TMEM132D: variants seen among roughly 807,000 people sequenced by gnomAD.
TMEM132D encodes the protein transmembrane protein 132D.
Under a neutral mutation model 62.3 loss-of-function variants are expected in TMEM132D, and 21 were observed. The ratio of observed to expected loss-of-function variants is 0.34; its 90% confidence interval spans 0.24 to 0.49. The LOEUF is 0.49. TMEM132D is among the 20% of genes least tolerant of loss of function. TMEM132D has a pLI of 0.99. For synonymous variants in TMEM132D, 621 were observed against 575.6 expected, an observed-to-expected ratio of 1.08 and a Z score of -1.13; for missense variants, 1,346 against 1,402.8, an observed-to-expected ratio of 0.96 and a Z score of 0.65.
chr12:129,420,013 T>C (rs1466972502), intron 3 of TMEM132D, among the ~76,000 whole-genome samples: 3 of 152,134 alleles, frequency 2.0e-5, no homozygotes, highest in Non-Finnish European at 4.4e-5. Context: ...ATTGTAAATA[T>C]ACATTTAAGG....
In TMEM132D at chr12:129,282,282, T is replaced by G. The variant is rs560165874; in HGVS notation, c.1299+55352A>C. ...TTGGGAATATGAGACCAGAGGGAGCTTATCCCTCCCCCTAGTTCCAACCCA... is the reference window on the plus strand; with the variant it reads ...TTGGGAATATGAGACCAGAGGGAGCGTATCCCTCCCCCTAGTTCCAACCCA... On this transcript the variant is annotated intron_variant, in intron 4 of 8. Coordinates refer to ENST00000422113, the MANE Select transcript of TMEM132D (RefSeq NM_133448.3). Among the ~76,000 whole-genome samples, 999 of 152,236 alleles carry G rather than the reference T, an allele frequency of 6.6e-3. 27 individuals are homozygous for G. The highest frequency in any genetic ancestry group is 0.053 in the Admixed American group (818 of 15,294).
At chr12:129,554,723 G>A (rs1458852707) in intron 2 of TMEM132D, among the ~76,000 whole-genome samples, 1 of 152,152 alleles carries the variant, frequency 6.6e-6, no homozygotes, top group Non-Finnish European at 1.5e-5. Flanking sequence ...TAAACCTGGA[G>A]ACCTGCTTTC....
chr12:129,273,916 G>GA lies in TMEM132D; in HGVS notation c.1299+63717dup, dbSNP rs557555848. ...ACCCGCTGAACTTAAAACAAAAGTTGAAAAAAAAAAAGAGTGTTTGCATCT... is the reference window on the plus strand; with the variant it reads ...ACCCGCTGAACTTAAAACAAAAGTTGAAAAAAAAAAAAGAGTGTTTGCATCT... On this transcript the variant is annotated intron_variant, in intron 4 of 8. Transcript: ENST00000422113. 7.0e-3 allele frequency among the ~76,000 whole-genome samples: 993 copies of GA among 141,676 alleles called. 29 individuals carry two copies. The highest frequency in any genetic ancestry group is 0.024 in the African/African-American group (926 of 38,266). 92.9% of individuals were successfully genotyped at this position (141,676 alleles called of 152,430 possible).
At chr12:129,590,203 C>A (rs1485473838) in intron 2 of TMEM132D, among the ~76,000 whole-genome samples, 2 of 152,156 alleles carry the variant, frequency 1.3e-5, no homozygotes, top group Non-Finnish European at 2.9e-5. Flanking sequence ...AAATGTGTTT[C>A]TCCAGGTGCC....
chr12:129,631,930 T>C (rs1038206900), intron 2 of TMEM132D, among the ~76,000 whole-genome samples: 11 of 152,134 alleles, frequency 7.2e-5, no homozygotes, highest in South Asian at 6.2e-4. Flanking sequence ...ATAAGAGCCA[T>C]ATAATTTAAG....
chr12:129,860,067 G>A (rs570265271), intron 1 of TMEM132D, among the ~76,000 whole-genome samples: 1 of 152,156 alleles, frequency 6.6e-6, no homozygotes, highest in South Asian at 2.1e-4. Context: ...TGGAAATTCT[G>A]GGGTCCTGGT....
intron 5 of TMEM132D, among the ~76,000 whole-genome samples, chr12:129,172,680 G>C (rs1352592304): frequency 6.6e-6 from 1 of 152,216 alleles, no homozygotes; most frequent in Non-Finnish European, 1.5e-5. Flanking sequence ...CCGGGTTCAA[G>C]TGATTCTCCT....
Position 129,073,949 on chromosome 12 carries a change from C to A in TMEM132D, c.3226G>T (p.Val1076Phe), listed in dbSNP as rs1242467133. The A allele has an allele frequency of 2.5e-6, 4 of 1,608,384 alleles. No individual in the cohort carries two copies. Among genetic ancestry groups the A allele is most frequent in the East Asian group, 4.5e-5 (2 of 44,782 alleles). Residue 1076 changes from valine (V) to phenylalanine (F), a missense_variant, in exon 9 of 9, where the codon GTC (valine) becomes TTC (phenylalanine). By Grantham distance (50) the Val-to-Phe change is conservative. Coordinates refer to ENST00000422113, the MANE Select transcript of TMEM132D (RefSeq NM_133448.3). ...TCCCCAGGGTCCAGATCCTGGCAGA[C>A]CCACTTAATGTCATCCTCGCTACTC... is the stretch of plus-strand genomic sequence containing the variant. ...VMSSEDDIKWVCQDLDPGDCK... is the reference protein window; with the variant it reads ...VMSSEDDIKWFCQDLDPGDCK...
intron 3 of TMEM132D, among the ~76,000 whole-genome samples, chr12:129,465,289 A>T (rs1873846802): frequency 6.6e-6 from 1 of 152,178 alleles, no homozygotes; most frequent in Non-Finnish European, 1.5e-5. Context: ...TATTGATGGG[A>T]CGTATCTCAA....
intron 2 of TMEM132D, among the ~76,000 whole-genome samples, chr12:129,619,499 T>C (rs1189824232): frequency 6.6e-6 from 1 of 152,226 alleles, no homozygotes; most frequent in Non-Finnish European, 1.5e-5. Flanking sequence ...TACATAATTT[T>C]CCAAGCTGTC....
chr12:129,166,009 C>G (rs1319277876), intron 5 of TMEM132D, among the ~76,000 whole-genome samples: 3 of 152,184 alleles, frequency 2.0e-5, no homozygotes, highest in East Asian at 3.8e-4. Context: ...CCATTGGAAA[C>G]AGCAGCTATT....
intron 3 of TMEM132D, among the ~76,000 whole-genome samples, chr12:129,365,188 T>C (rs1870366295): frequency 2.0e-5 from 3 of 150,698 alleles, no homozygotes; most frequent in Non-Finnish European, 1.5e-5. Context: ...GCTCACTTGC[T>C]TGCTAGAGGC....
intron 1 of TMEM132D, among the ~76,000 whole-genome samples, chr12:129,740,255 C>A (rs1869559565): frequency 6.6e-6 from 1 of 152,154 alleles, no homozygotes; most frequent in African/African-American, 2.4e-5. Context: ...TTGACTCAAA[C>A]AAAAGTGCAG....
At chr12:129,119,698 T>C (rs552273098) in intron 5 of TMEM132D, among the ~76,000 whole-genome samples, 3 of 152,304 alleles carry the variant, frequency 2.0e-5, no homozygotes, top group African/African-American at 4.8e-5. Flanking sequence ...ATCCAACAAA[T>C]GTCTGATGAG....
chr12:129,839,916 G>T (rs977420799), intron 1 of TMEM132D: 1 of 152,128 alleles, frequency 6.6e-6, no homozygotes, highest in Non-Finnish European at 1.5e-5. Context: ...CAGAACGTCC[G>T]TGAGTGTCTG....
chr12:129,888,540 A>C (rs1391096500), intron 1 of TMEM132D, among the ~76,000 whole-genome samples: 2 of 152,142 alleles, frequency 1.3e-5, no homozygotes, highest in Admixed American at 1.3e-4. Flanking sequence ...TCTACTAAAA[A>C]TACAATAAAA....
chr12:129,408,943 G>A (rs1871880103), intron 3 of TMEM132D, among the ~76,000 whole-genome samples: 1 of 151,724 alleles, frequency 6.6e-6, no homozygotes, highest in Non-Finnish European at 1.5e-5. Flanking sequence ...TTCATTTTTT[G>A]TTTTTTTGAG....
At chr12:129,157,977 G>A (rs535048651) in intron 5 of TMEM132D, among the ~76,000 whole-genome samples, 1 of 152,170 alleles carries the variant, frequency 6.6e-6, no homozygotes, top group Non-Finnish European at 1.5e-5. Flanking sequence ...TGTCAGAGGG[G>A]TGGAGATGAG....
intron 1 of TMEM132D, chr12:129,852,572 AC>A (rs1174003972): frequency 2.0e-5 from 3 of 152,308 alleles, no homozygotes; most frequent in Admixed American, 1.3e-4. Flanking sequence ...ATAAAAAAAA[AC>A]AATGTACAAC....
Sources: allele counts gnomAD v4.1 joint callset (sites outside exome capture counted in the v4.1 genomes callset), GRCh38; gene constraint gnomAD v4.1.1; transcripts MANE v1.5; gene names NCBI Gene and HGNC (gene_info 2026-07-23, HGNC 2026-07-21).